The following NRG1 variants were observed in gnomAD, a reference collection of about 807,000 sequenced individuals.
The protein encoded by NRG1 is pro-neuregulin-1, membrane-bound isoform.
A neutral mutation model predicts 63.8 loss-of-function variants in NRG1; 18 were observed. The ratio of observed to expected loss-of-function variants is 0.28; its 90% confidence interval spans 0.19 to 0.42. The LOEUF (loss-of-function observed/expected upper bound fraction) is 0.42, where lower values mean the gene tolerates loss of function less well. Among genes scored for constraint, NRG1 ranks in the 10% least tolerant of loss-of-function variants. The pLI, the probability that NRG1 is intolerant of heterozygous loss-of-function variation, is 1.00. For missense variants in NRG1, 762 were observed against 814.7 expected (o/e 0.94, Z 0.79); for synonymous variants, 302 against 301.3 (o/e 1.00, Z -0.02).
At chr8:31,790,158 C>T (rs559672432) in intron 1 of NRG1, among the ~76,000 whole-genome samples, 1 of 152,252 alleles carries the variant, frequency 6.6e-6, no homozygotes, top group South Asian at 2.1e-4. Flanking sequence ...AATTGGGAAA[C>T]TTGCAAATGC....
intron 1 of NRG1, among the ~76,000 whole-genome samples, chr8:31,669,669 T>C (rs1164464948): frequency 6.6e-6 from 1 of 152,222 alleles, no homozygotes; most frequent in Non-Finnish European, 1.5e-5. Context: ...CCGTCACTCC[T>C]GACTCTGAAT....
At chr8:32,402,185 T>C (rs1813296715) in intron 1 of NRG1, among the ~76,000 whole-genome samples, 1 of 152,186 alleles carries the variant, frequency 6.6e-6, no homozygotes, top group African/African-American at 2.4e-5. Flanking sequence ...AGTGCTGGGA[T>C]TACAGTTGTG....
At chr8:31,886,421 T>C (rs1217414867) in intron 1 of NRG1, among the ~76,000 whole-genome samples, 1 of 152,134 alleles carries the variant, frequency 6.6e-6, no homozygotes, top group East Asian at 1.9e-4. Context: ...AGTCTTTGTA[T>C]GATTACAAAA....
chr8:32,352,913 ATAG>A (rs1805807076), intron 1 of NRG1, among the ~76,000 whole-genome samples: 2 of 71,872 alleles, frequency 2.8e-5, no homozygotes, highest in Non-Finnish European at 7.4e-5. Context: ...ATATATATAT[ATAG>A]AGAGAGAGAG....
At chr8:31,688,247 G>A (rs1809112729) in intron 1 of NRG1, among the ~76,000 whole-genome samples, 1 of 152,156 alleles carries the variant, frequency 6.6e-6, no homozygotes, top group Non-Finnish European at 1.5e-5. Flanking sequence ...GGTATTAAGA[G>A]GTAGGACCTT....
chr8:32,582,284 G>T (rs1840809539), intron 1 of NRG1, among the ~76,000 whole-genome samples: 1 of 151,778 alleles, frequency 6.6e-6, no homozygotes, highest in Non-Finnish European at 1.5e-5. Context: ...TTTTTGTAAA[G>T]ATGATGTTTT....
chr8:31,881,496 C>T (rs1179991945), intron 1 of NRG1, among the ~76,000 whole-genome samples: 1 of 152,114 alleles, frequency 6.6e-6, no homozygotes, highest in African/African-American at 2.4e-5. Context: ...AATTCACAAC[C>T]CTATAATGGC....
At chr8:32,744,252 G>A (rs1345141333) in intron 7 of NRG1, among the ~76,000 whole-genome samples, 1 of 152,114 alleles carries the variant, frequency 6.6e-6, no homozygotes, top group African/African-American at 2.4e-5. Context: ...GACCCGTAAT[G>A]TGCAATCATT....
intron 1 of NRG1, among the ~76,000 whole-genome samples, chr8:32,067,050 CTT>C (rs1824953033): frequency 6.6e-6 from 1 of 152,178 alleles, no homozygotes; most frequent in African/African-American, 2.4e-5. Context: ...TATCCTGAGA[CTT>C]TGCTGAAGTT....
intron 1 of NRG1, among the ~76,000 whole-genome samples, chr8:32,379,851 T>C (rs1336347485): frequency 6.6e-6 from 1 of 152,240 alleles, no homozygotes; most frequent in Non-Finnish European, 1.5e-5. Flanking sequence ...TTCTGTATTT[T>C]CAAGGACTTC....
In NRG1 at chr8:31,879,114, C is replaced by T. The variant is rs576120060; in HGVS notation, c.37+239683C>T. On this transcript the variant is annotated intron_variant, in intron 1 of 10. Transcript: ENST00000519301. ...ACATGTACTCAAGGGGCACGCATTA[C>T]ACAAGGGATGACCACTCACCTGCAA... 5.1e-4 allele frequency among the ~76,000 whole-genome samples: 77 copies of T among 152,258 alleles called. 1 individual carries two copies. The highest frequency in any genetic ancestry group is 1.6e-3 in the African/African-American group (67 of 41,556).
chr8:32,174,395 T>C (rs1391208631), intron 1 of NRG1, among the ~76,000 whole-genome samples: 1 of 151,786 alleles, frequency 6.6e-6, no homozygotes, highest in Non-Finnish European at 1.5e-5. Context: ...AGATCTAAAA[T>C]GGACACCCTA....
downstream of NRG1, among the ~76,000 whole-genome samples, chr8:32,769,137 T>G (rs189018561): frequency 8.5e-5 from 13 of 152,328 alleles, no homozygotes; most frequent in Non-Finnish European, 1.5e-4. Flanking sequence ...CAACCAGCCA[T>G]GCAGAGAATA....
intron 1 of NRG1, among the ~76,000 whole-genome samples, chr8:32,312,249 C>G (rs561080854): frequency 1.8e-4 from 27 of 148,394 alleles, no homozygotes; most frequent in Middle Eastern, 7.0e-3. Flanking sequence ...CTGCATCCTC[C>G]GCCTCCTGGG....
intron 1 of NRG1, among the ~76,000 whole-genome samples, chr8:32,375,280 A>G (rs1398432450): frequency 6.6e-6 from 1 of 152,118 alleles, no homozygotes; most frequent in Non-Finnish European, 1.5e-5. Flanking sequence ...GCCCAGCCTC[A>G]TCAGCATTTT....
At chr8:32,231,677 G>T (rs1460501051) in intron 1 of NRG1, among the ~76,000 whole-genome samples, 2 of 151,990 alleles carry the variant, frequency 1.3e-5, no homozygotes, top group African/African-American at 4.8e-5. Context: ...AAGGTGGGTG[G>T]ATTACCTGAG....
intron 1 of NRG1, among the ~76,000 whole-genome samples, chr8:31,684,690 T>C (rs1272312887): frequency 3.9e-5 from 6 of 152,032 alleles, no homozygotes; most frequent in African/African-American, 1.5e-4. Flanking sequence ...TTTTTCAACG[T>C]GTGATGTATA....
At chr8:32,395,763 T>C (rs1812364936) in intron 1 of NRG1, among the ~76,000 whole-genome samples, 1 of 152,164 alleles carries the variant, frequency 6.6e-6, no homozygotes, top group African/African-American at 2.4e-5. Context: ...TCAAGTTTTT[T>C]CTTTGGATTG....
At chr8:31,772,728 G>C (rs1563383744) in intron 1 of NRG1, among the ~76,000 whole-genome samples, 3 of 152,054 alleles carry the variant, frequency 2.0e-5, no homozygotes, top group Admixed American at 1.3e-4. Flanking sequence ...AAATCAGGTA[G>C]ATATAAAAGG....
Sources: allele counts gnomAD v4.1 joint callset (sites outside exome capture counted in the v4.1 genomes callset), GRCh38; gene constraint gnomAD v4.1.1; transcripts MANE v1.5; gene names NCBI Gene and HGNC (gene_info 2026-07-23, HGNC 2026-07-21).